Variants in HNRNPA1L2 observed in about 807,000 individuals in gnomAD.
The protein encoded by HNRNPA1L2 is heterogeneous nuclear ribonucleoprotein A1 like 2.
Under a neutral mutation model 18.2 loss-of-function variants are expected in HNRNPA1L2, and 10 were observed. The observed-to-expected ratio is 0.55, with a 90% CI of 0.34 to 0.93. The LOEUF is 0.93. Among genes scored for constraint, HNRNPA1L2 ranks in the 40% least tolerant of loss-of-function variants. HNRNPA1L2 has a pLI of 0.02. For synonymous variants in HNRNPA1L2, 124 were observed against 138.6 expected (o/e 0.89, Z 0.74); for missense variants, 308 against 394.4 (o/e 0.78, Z 1.85).
the HNRNPA1L2 span, among the ~76,000 whole-genome samples, chr13:52,631,083 A>G: frequency 6.6e-6 from 1 of 152,050 alleles, no homozygotes; most frequent in African/African-American, 2.4e-5. Flanking sequence ...AGGGGAAGCA[A>G]TGGTGAGATG....
the HNRNPA1L2 span, among the ~76,000 whole-genome samples, chr13:52,621,707 G>C: frequency 6.6e-6 from 1 of 152,058 alleles, no homozygotes; most frequent in Non-Finnish European, 1.5e-5. Flanking sequence ...TGAGGTGCAT[G>C]ACCTTAGGTA....
At chr13:52,632,003 C>A in the HNRNPA1L2 span, among the ~76,000 whole-genome samples, 3 of 151,824 alleles carry the variant, frequency 2.0e-5, no homozygotes, top group Non-Finnish European at 2.9e-5. Context: ...CTCTTTTTAA[C>A]AGCTTCTTTT....
the HNRNPA1L2 span, among the ~76,000 whole-genome samples, chr13:52,635,932 G>T: frequency 6.6e-6 from 1 of 151,788 alleles, no homozygotes; most frequent in Non-Finnish European, 1.5e-5. Flanking sequence ...CTGGGTCCCG[G>T]TTGAAGCATT....
At chr13:52,634,453 A>G in the HNRNPA1L2 span, among the ~76,000 whole-genome samples, 3 of 152,244 alleles carry the variant, frequency 2.0e-5, no homozygotes, top group Non-Finnish European at 4.4e-5. Context: ...ACACAAATTT[A>G]TGTAATAATT....
At chr13:52,626,683 A>G in the HNRNPA1L2 span, among the ~76,000 whole-genome samples, 28 of 152,114 alleles carry the variant, frequency 1.8e-4, no homozygotes, top group Non-Finnish European at 4.4e-5. Context: ...CTCCTACTTG[A>G]TAATGATTGA....
the HNRNPA1L2 span, among the ~76,000 whole-genome samples, chr13:52,632,659 G>A: frequency 6.6e-6 from 1 of 152,164 alleles, no homozygotes; most frequent in Admixed American, 6.5e-5. Flanking sequence ...ACTTGGGACT[G>A]TAAATTGGGA....
the HNRNPA1L2 span, among the ~76,000 whole-genome samples, chr13:52,628,574 T>A: frequency 6.6e-6 from 1 of 152,244 alleles, no homozygotes; most frequent in Non-Finnish European, 1.5e-5. Flanking sequence ...TTAATTTAGT[T>A]ATTGAATATA....
the HNRNPA1L2 span, among the ~76,000 whole-genome samples, chr13:52,629,809 G>T: frequency 6.6e-6 from 1 of 152,192 alleles, no homozygotes; most frequent in Non-Finnish European, 1.5e-5. Context: ...AAAGGCGTAG[G>T]CTGGGCATGG....
chr13:52,635,238 C>T, the HNRNPA1L2 span, among the ~76,000 whole-genome samples: 1 of 151,972 alleles, frequency 6.6e-6, no homozygotes, highest in Non-Finnish European at 1.5e-5. Flanking sequence ...TAAGGCTTAC[C>T]CAGGTAGAAG....
At chr13:52,642,260 G>A, upstream of HNRNPA1L2, 1 of 567,610 alleles carries the variant, frequency 1.8e-6, no homozygotes. Context: ...TCACAGCAAG[G>A]AAGAAGGGAG....
the HNRNPA1L2 span, among the ~76,000 whole-genome samples, chr13:52,636,079 C>T: frequency 6.6e-6 from 1 of 152,126 alleles, no homozygotes; most frequent in South Asian, 2.1e-4. Flanking sequence ...TCGTGATCTG[C>T]CCGCCTCGGC....
upstream of HNRNPA1L2, among the ~76,000 whole-genome samples, chr13:52,639,694 C>CAA (rs10661534): frequency 0.095 from 6,939 of 73,288 alleles, 247 homozygotes; most frequent in Non-Finnish European, 0.1. Context: ...GACCCTGTCT[C>CAA]AAAAAAAAAA....
chr13:52,643,135 A>T lies in HNRNPA1L2; in HGVS notation c.643A>T (p.Asn215Tyr), dbSNP rs9536212. 1 of 1,597,688 alleles carries T rather than the reference A, an allele frequency of 6.3e-7. No homozygotes were observed. The highest frequency in any genetic ancestry group is 8.5e-7 in the Non-Finnish European group (1 of 1,179,686). ...TGGAGATGGTTTCGGTGGGAATGAC[A>T]ACTTTGGTCGTGGAGGAAACTTCAG... ...GRGDGFGGND[N>Y]FGRGGNFSGR... The change falls in exon 1 of 1, where the codon AAC becomes TAC. Residue 215 changes from asparagine to tyrosine, a missense_variant. Asn to Tyr is a moderately radical substitution (Grantham distance 143, BLOSUM62 -2). Transcript: ENST00000357495.
At chr13:52,636,827 CTTTA>C in the HNRNPA1L2 span, among the ~76,000 whole-genome samples, 4 of 151,844 alleles carry the variant, frequency 2.6e-5, no homozygotes, top group South Asian at 2.1e-4. Flanking sequence ...TAGTTATAGT[CTTTA>C]TTTATTTATT....
the HNRNPA1L2 span, among the ~76,000 whole-genome samples, chr13:52,629,945 G>A: frequency 3.3e-5 from 5 of 152,074 alleles, no homozygotes; most frequent in Admixed American, 6.5e-5. Flanking sequence ...AAAATTAGCC[G>A]GACGTGGTGG....
At chr13:52,624,145 C>A in the HNRNPA1L2 span, among the ~76,000 whole-genome samples, 1,099 of 152,214 alleles carry the variant, frequency 7.2e-3, 13 homozygotes, top group African/African-American at 0.026. Flanking sequence ...GATGGAGTCT[C>A]GCTCTGTCAC....
rs367740109 is a variant in HNRNPA1L2 at position 52,643,423 on chromosome 13, A to G, written c.931A>G (p.Ser311Gly). The G allele has an allele frequency of 2.8e-5, 45 of 1,598,426 alleles. No homozygotes were observed. Among genetic ancestry groups the G allele is most frequent in the Non-Finnish European group, 3.7e-5 (44 of 1,179,780 alleles). Residue 311 changes from serine (S) to glycine (G), a missense_variant, in exon 1 of 1, where the codon AGC (serine) becomes GGC (glycine). Ser to Gly is a moderately conservative substitution (Grantham distance 56). Coordinates refer to ENST00000357495, the MANE Select transcript of HNRNPA1L2 (RefSeq NM_001389320.1). ...NQGGYGVSSSSSSYGSGRRF is the reference protein window; with the variant it reads ...NQGGYGVSSSGSSYGSGRRF ...AGGTGGCTATGGCGTTTCCAGCAGC[A>G]GCAGTAGCTATGGCAGTGGCAGAAG...
the HNRNPA1L2 span, among the ~76,000 whole-genome samples, chr13:52,636,630 A>G: frequency 6.6e-6 from 1 of 152,240 alleles, no homozygotes; most frequent in East Asian, 1.9e-4. Context: ...GTAGTACATT[A>G]GTGACTAATT....
chr13:52,619,142 G>A, the HNRNPA1L2 span, among the ~76,000 whole-genome samples: 3 of 151,922 alleles, frequency 2.0e-5, no homozygotes, highest in Non-Finnish European at 4.4e-5. Flanking sequence ...TGAGTAGCTG[G>A]GATTACAGGC....
Sources: gnomAD v4.1 joint callset for allele counts (sites outside exome capture counted in the v4.1 genomes callset) on GRCh38, gnomAD v4.1.1 for gene constraint, MANE v1.5 for transcripts, NCBI Gene and HGNC (gene_info 2026-07-23, HGNC 2026-07-21) for gene names.